Variants in POP1 observed in about 807,000 individuals in gnomAD.
POP1 encodes the protein POP1 ribonuclease P/MRP subunit.
A neutral mutation model predicts 102.2 loss-of-function variants in POP1; 75 were observed. The ratio of observed to expected loss-of-function variants is 0.73; its 90% CI spans 0.61 to 0.89. POP1 has a LOEUF of 0.89. POP1 is among the 40% of genes least tolerant of loss of function. The probability of loss-of-function intolerance (pLI) is 0.00; values close to 1 mark genes in which losing one functional copy is unlikely to be tolerated. For synonymous variants in POP1, 436 were observed against 464.1 expected, an observed-to-expected ratio of 0.94 and a Z score of 0.78; for missense variants, 1,116 against 1,267.4, an observed-to-expected ratio of 0.88 and a Z score of 1.81.
intron 12 of POP1, 90 bp downstream of exon 12, chr8:98,146,773 A>G (rs111419298): frequency 1.5e-5 from 14 of 936,662 alleles, no homozygotes; most frequent in African/African-American, 1.3e-4. Flanking sequence ...TTCATACTTC[A>G]TAGAATTCCA....
At chr8:98,149,768 T>C (rs1301293835) in intron 13 of POP1, among the ~76,000 whole-genome samples, 2 of 149,608 alleles carry the variant, frequency 1.3e-5, no homozygotes, top group East Asian at 3.9e-4. Context: ...AATAAATAAA[T>C]AAATAAAATA....
rs554617867 is a variant in POP1 at position 98,123,207 on chromosome 8, A to G, written c.-2-129A>G. 1.8e-3 allele frequency: 1,964 copies of G among 1,063,576 alleles called. 49 individuals are homozygous for G. The South Asian group carries it at 0.027, about 15-fold the overall frequency. The allele number at this position is 1,063,576 out of a possible 1,614,324, so 65.9% of individuals were successfully genotyped here. ...TAATTATTTGACAGTGCAAACTGCA[A>G]TATACTAATAGGGTCTCTTCCATCA... On this transcript the variant is annotated intron_variant, in intron 1 of 15. Transcript: ENST00000401707.
intron 1 of POP1, among the ~76,000 whole-genome samples, chr8:98,122,253 A>T (rs1816052111): frequency 6.6e-6 from 1 of 152,142 alleles, no homozygotes; most frequent in African/African-American, 2.4e-5. Flanking sequence ...ACCAATTTGG[A>T]AAATTACGTC....
Position 98,146,707 on chromosome 8 carries a change from T to C in POP1, c.1710+24T>C, listed in dbSNP as rs767479148. ...AGGTAACTAATAGTGTAAGGGTTAT[T>C]GGTAAAGTCATGAATGACAGGTTAA... On this transcript the variant is annotated intron_variant, in intron 12 of 15. Transcript: ENST00000401707. 14 of 1,503,458 alleles carry C rather than the reference T, an allele frequency of 9.3e-6. No homozygotes were observed. The South Asian group carries it at 1.5e-4, about 16-fold the overall frequency. 93.1% of individuals were successfully genotyped at this position (1,503,458 alleles called of 1,614,324 possible).
In POP1 at chr8:98,156,345, AG is replaced by A; in HGVS notation, c.2355del (p.Ile786SerfsTer27). 6.2e-7 allele frequency: 1 copy of A among 1,614,106 alleles called. No individual in the cohort carries two copies. Among genetic ancestry groups the A allele is most frequent in the Non-Finnish European group, 8.5e-7 (1 of 1,180,028 alleles). ...GTGTCAAGAATCGGCAGGGCCTGAG[AG>A]GATCACAGACCAGGAGGCCAGTGAA... Reference protein sequence around the residue: ...AGCQESAGPERITDQEASENH... With the variant: ...AGCQESAGPEXITDQEASENH... On this transcript the variant is annotated frameshift_variant, in exon 15 of 16. Transcript: ENST00000401707. LOFTEE classifies it high-confidence loss of function.
chr8:98,138,639 A>G (rs1274408783), intron 9 of POP1, among the ~76,000 whole-genome samples: 1 of 152,174 alleles, frequency 6.6e-6, no homozygotes, highest in African/African-American at 2.4e-5. Context: ...TGTGAGCTTC[A>G]TAAGGGTGAG....
intron 11 of POP1, among the ~76,000 whole-genome samples, chr8:98,144,951 G>A (rs945990572): frequency 1.3e-5 from 2 of 151,914 alleles, no homozygotes; most frequent in Non-Finnish European, 2.9e-5. Flanking sequence ...GGAGTGGCGC[G>A]ATCTCAGCTC....
rs148625494 is a variant in POP1 at position 98,127,646 on chromosome 8, C to T, written c.194C>T (p.Ser65Phe). The part of the protein sequence containing the change: ...RQRQTRVNPH[S>F]LPDPEVNEQS... ...CGGCAAACCAGAGTCAACCCCCATT[C>T]TCTGCCTGACCCTGAAGTGAATGAG... The change falls in exon 3 of 16, where the codon TCT (serine) becomes TTT (phenylalanine). Residue 65 changes from serine to phenylalanine, a missense_variant. Physicochemically the swap from Ser to Phe is radical, Grantham distance 155. Coordinates refer to ENST00000401707, the MANE Select transcript of POP1 (RefSeq NM_001145860.2). The T allele has an allele frequency of 5.6e-6, 9 of 1,614,074 alleles. No homozygotes were observed. Among genetic ancestry groups the T allele is most frequent in the Non-Finnish European group, 7.6e-6 (9 of 1,180,038 alleles).
intron 11 of POP1, among the ~76,000 whole-genome samples, chr8:98,144,402 A>C (rs893884979): frequency 6.6e-6 from 1 of 151,906 alleles, no homozygotes; most frequent in Non-Finnish European, 1.5e-5. Flanking sequence ...CAGCCCCCCA[A>C]ATAGCTGGGA....
intron 1 of POP1, among the ~76,000 whole-genome samples, chr8:98,122,827 T>A (rs1816070018): frequency 6.6e-6 from 1 of 152,154 alleles, no homozygotes; most frequent in Non-Finnish European, 1.5e-5. Context: ...AAATAGGGGA[T>A]GTTGAGTTTG....
intron 9 of POP1, among the ~76,000 whole-genome samples, chr8:98,139,499 T>A (rs1228096976): frequency 6.6e-6 from 1 of 152,092 alleles, no homozygotes; most frequent in Non-Finnish European, 1.5e-5. Flanking sequence ...GGTGGGTTGA[T>A]TGCTTCAGCC....
At chr8:98,130,362 C>T (rs746893713) in intron 5 of POP1, 136 bp downstream of exon 5, 22 of 1,314,268 alleles carry the variant, frequency 1.7e-5, no homozygotes, top group East Asian at 7.3e-5. Context: ...GCATGAAGCC[C>T]GGGTCCTTTG....
chr8:98,130,465 A>C (rs1163190380), intron 5 of POP1, among the ~76,000 whole-genome samples: 4 of 152,190 alleles, frequency 2.6e-5, no homozygotes, highest in African/African-American at 9.7e-5. Flanking sequence ...GGAAAAGCAT[A>C]CAGTATGATG....
intron 13 of POP1, among the ~76,000 whole-genome samples, chr8:98,149,212 A>G (rs1809452808): frequency 6.6e-6 from 1 of 152,210 alleles, no homozygotes; most frequent in South Asian, 2.1e-4. Context: ...CTGTGCTGAC[A>G]TATCGTCAAT....
In POP1 at chr8:98,133,936, C is replaced by T. The variant is rs1168315848; in HGVS notation, c.736-13C>T. 3.1e-6 allele frequency: 5 copies of T among 1,604,464 alleles called. No homozygotes were observed. Among genetic ancestry groups the T allele is most frequent in the Admixed American group, 1.7e-5 (1 of 59,982 alleles). ...ATTCCTAAGTACTTAATTGTGTCTC[C>T]CGCTTTGTGCAGGATTTATCCTATT... On this transcript the variant is annotated splice_polypyrimidine_tract_variant and intron_variant, in intron 5 of 15. Coordinates refer to ENST00000401707, the MANE Select transcript of POP1 (RefSeq NM_001145860.2).
chr8:98,120,840 G>A (rs1482712751), intron 1 of POP1, among the ~76,000 whole-genome samples: 1 of 152,140 alleles, frequency 6.6e-6, no homozygotes, highest in Non-Finnish European at 1.5e-5. Flanking sequence ...TAGAGACGGG[G>A]TTTCACTGTG....
At chr8:98,146,426 T>C (rs573295177) in intron 11 of POP1, 142 bp from the exon 12 acceptor site, 9 of 714,456 alleles carry the variant, frequency 1.3e-5, no homozygotes, top group South Asian at 9.3e-5. Flanking sequence ...AATAACTTAA[T>C]TTCTTGTCAA....
At chr8:98,124,036 C>G (rs1163964308) in intron 2 of POP1, among the ~76,000 whole-genome samples, 1 of 152,044 alleles carries the variant, frequency 6.6e-6, no homozygotes, top group Admixed American at 6.5e-5. Flanking sequence ...ATTTGAGTTT[C>G]CCTGTGTTTA....
chr8:98,149,048 AC>A (rs1809444062), intron 13 of POP1, 42 bp downstream of exon 13: 1 of 1,530,162 alleles, frequency 6.5e-7, no homozygotes, highest in Non-Finnish European at 9.0e-7. Flanking sequence ...TATTTAAAAT[AC>A]ATTCCTAATA....
Sources: gnomAD v4.1 joint callset for allele counts (sites outside exome capture counted in the v4.1 genomes callset) on GRCh38, gnomAD v4.1.1 for gene constraint, MANE v1.5 for transcripts, NCBI Gene and HGNC (gene_info 2026-07-23, HGNC 2026-07-21) for gene names.